Variants in ASTN1 observed in about 807,000 individuals in gnomAD.
The protein encoded by ASTN1 is astrotactin-1.
Under a neutral mutation model 140.7 loss-of-function variants are expected in ASTN1, and 41 were observed. The ratio of observed to expected loss-of-function variants is 0.29; its 90% CI spans 0.23 to 0.38. The LOEUF (loss-of-function observed/expected upper bound fraction) is 0.38. Ranked by LOEUF, ASTN1 falls within the 10% of genes least tolerant of loss-of-function variation. The pLI is 1.00. For synonymous variants in ASTN1, 640 were observed against 652.2 expected (o/e 0.98, Z 0.29); for missense variants, 1,479 against 1,678.8 (o/e 0.88, Z 2.08).
At chr1:177,086,153 T>C (rs1028213381) in intron 1 of ASTN1, among the ~76,000 whole-genome samples, 9 of 152,090 alleles carry the variant, frequency 5.9e-5, no homozygotes, top group African/African-American at 2.2e-4. Context: ...TCCTGGTCTT[T>C]TATAATAGCA....
chr1:177,002,416 C>CACAT (rs1310139092), intron 8 of ASTN1, among the ~76,000 whole-genome samples: 26 of 147,892 alleles, frequency 1.8e-4, no homozygotes, highest in African/African-American at 6.0e-4. Context: ...CACACACACA[C>CACAT]ATGAACAAAT....
intron 16 of ASTN1, among the ~76,000 whole-genome samples, chr1:176,899,264 CA>C (rs1284898159): frequency 6.6e-6 from 1 of 152,180 alleles, no homozygotes; most frequent in Non-Finnish European, 1.5e-5. Context: ...CTCAACATGT[CA>C]TTGTGGATGT....
chr1:177,014,353 TG>T (rs1217792833), intron 8 of ASTN1, among the ~76,000 whole-genome samples: 2 of 152,196 alleles, frequency 1.3e-5, no homozygotes, highest in African/African-American at 4.8e-5. Flanking sequence ...AGTCTCTGTA[TG>T]TCACCCCTGC....
At chr1:177,014,733 G>A in intron 8 of ASTN1, 58 bp downstream of exon 8, 1 of 1,490,764 alleles carries the variant, frequency 6.7e-7, no homozygotes, top group Non-Finnish European at 9.3e-7. Flanking sequence ...TCCACGTCAT[G>A]TCTGTGTAAG....
At chr1:176,964,451 G>A (rs1672789783) in intron 9 of ASTN1, among the ~76,000 whole-genome samples, 1 of 152,140 alleles carries the variant, frequency 6.6e-6, no homozygotes, top group Non-Finnish European at 1.5e-5. Flanking sequence ...TGAATGGATG[G>A]TAAGATCTTA....
At chr1:177,017,532 A>G (rs1314774788) in intron 7 of ASTN1, among the ~76,000 whole-genome samples, 1 of 152,220 alleles carries the variant, frequency 6.6e-6, no homozygotes, top group Non-Finnish European at 1.5e-5. Context: ...TGTGAATTTT[A>G]AAGACCCCAC....
At chr1:176,939,476 G>A (rs1272106925) in intron 14 of ASTN1, among the ~76,000 whole-genome samples, 1 of 152,086 alleles carries the variant, frequency 6.6e-6, no homozygotes, top group Non-Finnish European at 1.5e-5. Context: ...TTACATAACT[G>A]TTAATGCTTG....
chr1:176,970,555 A>G (rs1571585584), intron 8 of ASTN1, among the ~76,000 whole-genome samples: 1 of 150,812 alleles, frequency 6.6e-6, no homozygotes, highest in Non-Finnish European at 1.5e-5. Context: ...AGAAATAGAG[A>G]TAGGTAGGTA....
At chr1:176,873,139 G>C (rs1668417218) in intron 21 of ASTN1, among the ~76,000 whole-genome samples, 2 of 152,164 alleles carry the variant, frequency 1.3e-5, no homozygotes, top group Non-Finnish European at 2.9e-5. Flanking sequence ...CTAATAGCAG[G>C]GTTCGATAAA....
intron 8 of ASTN1, among the ~76,000 whole-genome samples, chr1:176,993,672 T>C (rs1414206949): frequency 6.6e-6 from 1 of 152,180 alleles, no homozygotes; most frequent in Non-Finnish European, 1.5e-5. Flanking sequence ...ATTGAGATAC[T>C]CATTGCCCCA....
chr1:176,985,138 G>C (rs926297479), intron 8 of ASTN1, among the ~76,000 whole-genome samples: 1 of 152,190 alleles, frequency 6.6e-6, no homozygotes, highest in African/African-American at 2.4e-5. Context: ...GAAGTCACCT[G>C]TTCCGTGTGC....
intron 5 of ASTN1, among the ~76,000 whole-genome samples, chr1:177,025,441 A>G (rs1475769733): frequency 6.6e-6 from 1 of 150,636 alleles, no homozygotes; most frequent in East Asian, 2.0e-4. Context: ...TTTTTGTACC[A>G]TTGTTATTTT....
rs1273892933 is a variant in ASTN1 at position 176,884,339 on chromosome 1, C to G, written c.3226G>C (p.Glu1076Gln). 6.2e-7 allele frequency: 1 copy of G among 1,613,088 alleles called. No individual in the cohort carries two copies. The highest frequency in any genetic ancestry group is 8.5e-7 in the Non-Finnish European group (1 of 1,179,178). The change falls in exon 19 of 23, where the codon GAA (glutamate) becomes CAA (glutamine). Residue 1076 changes from glutamate (E) to glutamine (Q), a missense_variant and splice_region_variant. By Grantham distance (29) the Glu-to-Gln change is conservative. This residue lies in a region of ASTN1 where 746 missense variants were observed against 800.9 expected (regional missense o/e 0.93). Transcript: ENST00000361833. ...DRMDHSKVET[E>Q]TVLSFVDDII... The stretch of plus-strand genomic sequence containing the variant: ...AGCCCATGAAGTAGAAGGTGCTCAC[C>G]TGTCTCCACTTTGGAGTGGTCCATC...
At chr1:177,030,418 T>G (rs897961048) in intron 4 of ASTN1, among the ~76,000 whole-genome samples, 1 of 152,256 alleles carries the variant, frequency 6.6e-6, no homozygotes, top group African/African-American at 2.4e-5. Flanking sequence ...AATATAGATC[T>G]ATATTGTTTC....
intron 8 of ASTN1, among the ~76,000 whole-genome samples, chr1:176,980,535 G>A (rs1186377338): frequency 3.9e-5 from 6 of 152,170 alleles, no homozygotes; most frequent in African/African-American, 1.4e-4. Flanking sequence ...GCAAGGCTGA[G>A]GTTGGGCCAG....
intron 8 of ASTN1, among the ~76,000 whole-genome samples, chr1:177,009,811 G>A (rs1025581000): frequency 8.5e-5 from 13 of 152,218 alleles, no homozygotes; most frequent in African/African-American, 3.1e-4. Flanking sequence ...TTCCACAGCA[G>A]GTCACTTCCC....
At chr1:176,969,198 T>C (rs1180247298) in intron 8 of ASTN1, among the ~76,000 whole-genome samples, 1 of 151,842 alleles carries the variant, frequency 6.6e-6, no homozygotes, top group Non-Finnish European at 1.5e-5. Context: ...TGTACCCAGG[T>C]TTAAATGGAA....
intron 1 of ASTN1, among the ~76,000 whole-genome samples, chr1:177,160,449 A>C (rs1389206056): frequency 6.6e-6 from 1 of 152,248 alleles, no homozygotes; most frequent in East Asian, 1.9e-4. Flanking sequence ...ATCAAAAGCC[A>C]TGACAGCTAA....
chr1:176,881,972 C>T (rs544816569), intron 20 of ASTN1, among the ~76,000 whole-genome samples: 6 of 152,290 alleles, frequency 3.9e-5, no homozygotes, highest in South Asian at 2.1e-4. Context: ...GATGGGGTCA[C>T]GAAGTCCTAC....
Sources: allele counts gnomAD v4.1 joint callset (sites outside exome capture counted in the v4.1 genomes callset), GRCh38; gene constraint gnomAD v4.1.1; regional missense constraint gnomAD v4.1.1; transcripts MANE v1.5; gene names NCBI Gene and HGNC (gene_info 2026-07-23, HGNC 2026-07-21).